The following MCU variants were observed in gnomAD, a reference collection of about 807,000 sequenced individuals.
MCU encodes the protein calcium uniporter protein, mitochondrial.
A neutral mutation model predicts 45.2 loss-of-function variants in MCU; 12 were observed. That is an observed-to-expected ratio of 0.27 (90% CI 0.17 to 0.43). MCU has a LOEUF of 0.43. MCU is among the 20% of genes least tolerant of loss of function. MCU has a pLI of 1.00. For missense variants in MCU, 324 were observed against 436.7 expected, an observed-to-expected ratio of 0.74 and a Z score of 2.30; for synonymous variants, 160 against 165.1, an observed-to-expected ratio of 0.97 and a Z score of 0.24.
intron 1 of MCU, among the ~76,000 whole-genome samples, chr10:72,753,923 A>T (rs1843538294): frequency 6.6e-6 from 1 of 152,102 alleles, no homozygotes; most frequent in Non-Finnish European, 1.5e-5. Context: ...ACAAACCCAC[A>T]CTATGAAGTA....
chr10:72,832,451 G>A (rs1844891846), intron 1 of MCU, among the ~76,000 whole-genome samples: 1 of 152,086 alleles, frequency 6.6e-6, no homozygotes, highest in Admixed American at 6.5e-5. Flanking sequence ...AAACTCAAAC[G>A]TGCAGGGATT....
chr10:72,768,139 G>T (rs1179372594), intron 1 of MCU, among the ~76,000 whole-genome samples: 2 of 151,726 alleles, frequency 1.3e-5, no homozygotes, highest in East Asian at 1.9e-4. Flanking sequence ...ACAAACAAAA[G>T]ACTTTTTTAA....
intron 1 of MCU, among the ~76,000 whole-genome samples, chr10:72,792,760 T>G (rs965491936): frequency 7.3e-6 from 1 of 137,604 alleles, no homozygotes; most frequent in Non-Finnish European, 1.5e-5. Flanking sequence ...TTAAATAATG[T>G]TAAGATCTTC....
At chr10:72,871,087 A>T (rs769351159) in intron 5 of MCU, among the ~76,000 whole-genome samples, 31 of 151,926 alleles carry the variant, frequency 2.0e-4, no homozygotes, top group Non-Finnish European at 3.4e-4. Flanking sequence ...TTTTGTAGAG[A>T]TGGGATTTCG....
chr10:72,833,886 A>G, intron 1 of MCU, among the ~76,000 whole-genome samples: 1 of 152,206 alleles, frequency 6.6e-6, no homozygotes, highest in Middle Eastern at 3.2e-3. Flanking sequence ...GTGAACATAA[A>G]GACCAGATGC....
intron 1 of MCU, chr10:72,721,168 TC>T (rs1843016496): frequency 6.5e-6 from 1 of 154,266 alleles, no homozygotes; most frequent in African/African-American, 2.4e-5. Context: ...TTTTGTTCTT[TC>T]TTACCTCTGG....
chr10:72,725,587 A>C (rs1371947925), intron 1 of MCU, among the ~76,000 whole-genome samples: 1 of 152,056 alleles, frequency 6.6e-6, no homozygotes, highest in Non-Finnish European at 1.5e-5. Flanking sequence ...TACTATTTTC[A>C]TTTAAAAAAT....
intron 1 of MCU, among the ~76,000 whole-genome samples, chr10:72,779,683 C>T (rs1408025230): frequency 2.0e-5 from 3 of 152,116 alleles, no homozygotes; most frequent in Admixed American, 2.0e-4. Context: ...TGAAGATGCT[C>T]AACATCATTA....
intron 2 of MCU, among the ~76,000 whole-genome samples, chr10:72,851,711 C>G (rs1047568271): frequency 6.6e-6 from 1 of 152,060 alleles, no homozygotes; most frequent in African/African-American, 2.4e-5. Flanking sequence ...AATCTTGTGA[C>G]CTCTGGAATA....
chr10:72,879,194 C>T (rs1160607340), intron 6 of MCU, among the ~76,000 whole-genome samples: 2 of 152,036 alleles, frequency 1.3e-5, no homozygotes, highest in African/African-American at 2.4e-5. Flanking sequence ...ACCTGAGAGA[C>T]GAAGGTTGCA....
chr10:72,853,782 C>T (rs554078782), intron 2 of MCU, among the ~76,000 whole-genome samples: 89 of 151,288 alleles, frequency 5.9e-4, no homozygotes, highest in African/African-American at 2.0e-3. Flanking sequence ...TTTGGGAAGC[C>T]GAGGCAGGAG....
At chr10:72,790,089 T>C (rs1405711405) in intron 1 of MCU, among the ~76,000 whole-genome samples, 3 of 152,212 alleles carry the variant, frequency 2.0e-5, no homozygotes, top group Non-Finnish European at 4.4e-5. Context: ...ATGGAACTTG[T>C]TCTATGCCAT....
chr10:72,830,202 A>G (rs1307383444), intron 1 of MCU, among the ~76,000 whole-genome samples: 2 of 152,216 alleles, frequency 1.3e-5, no homozygotes, highest in African/African-American at 2.4e-5. Flanking sequence ...GAGTAAGTAA[A>G]TGAATGAGCT....
intron 1 of MCU, among the ~76,000 whole-genome samples, chr10:72,724,711 C>T (rs1252477607): frequency 6.6e-6 from 1 of 152,210 alleles, no homozygotes; most frequent in South Asian, 2.1e-4. Context: ...AGATTTATTC[C>T]TTCTCTTTAT....
In MCU at chr10:72,826,792, T is replaced by C. The variant is rs536410046; in HGVS notation, c.151-7567T>C. Among the ~76,000 whole-genome samples, 3 of 152,220 alleles carry C rather than the reference T, an allele frequency of 2.0e-5. No homozygotes were observed. The South Asian group carries it at 6.2e-4, about 32-fold the overall frequency. Reference sequence around the variant, plus strand: ...TTAAATGAAAAATTCTAGAAATAATTAAGTTTTAAATGGTGCACTGTCCTG... The same window carrying C: ...TTAAATGAAAAATTCTAGAAATAATCAAGTTTTAAATGGTGCACTGTCCTG... On this transcript the variant is annotated intron_variant, in intron 1 of 7. Transcript: ENST00000373053.
intron 1 of MCU, among the ~76,000 whole-genome samples, chr10:72,722,566 A>G (rs1843038895): frequency 6.7e-6 from 1 of 150,180 alleles, no homozygotes; most frequent in Non-Finnish European, 1.5e-5. Flanking sequence ...GCAAAATTCT[A>G]GTGTAACCAG....
At chr10:72,773,934 A>G (rs1015082992) in intron 1 of MCU, among the ~76,000 whole-genome samples, 1 of 152,224 alleles carries the variant, frequency 6.6e-6, no homozygotes, top group East Asian at 1.9e-4. Context: ...AGCTGAGAGA[A>G]TTCACCACCA....
At chr10:72,781,333 C>G (rs1168330920) in intron 1 of MCU, among the ~76,000 whole-genome samples, 2 of 152,146 alleles carry the variant, frequency 1.3e-5, no homozygotes, top group East Asian at 3.8e-4. Flanking sequence ...AGAATTTTTC[C>G]CCATGGCTTA....
At position 72,724,834 on chromosome 10, in the gene MCU, T is replaced by C. The variant is rs113163505; in HGVS notation, c.150+32533T>C. On this transcript the variant is annotated intron_variant, in intron 1 of 7. Coordinates refer to ENST00000373053, the MANE Select transcript of MCU (RefSeq NM_138357.3). The stretch of plus-strand genomic sequence containing the variant: ...GGATTCTTCGTTACTAGATTTGTTA[T>C]TGGGAAGGAGATGCCAGCCTTTTCC... 6.5e-3 allele frequency among the ~76,000 whole-genome samples: 997 copies of C among 152,336 alleles called. 9 individuals carry two copies. The highest frequency in any genetic ancestry group is 0.023 in the African/African-American group (954 of 41,580).
Sources: gnomAD v4.1 joint callset for allele counts (sites outside exome capture counted in the v4.1 genomes callset) on GRCh38, gnomAD v4.1.1 for gene constraint, MANE v1.5 for transcripts, NCBI Gene and HGNC (gene_info 2026-07-23, HGNC 2026-07-21) for gene names.